The following NEGR1 variants were observed in gnomAD, a reference collection of about 807,000 sequenced individuals.
NEGR1 encodes IgLON family member 4.
Under a neutral mutation model 40.9 loss-of-function variants are expected in NEGR1, and 10 were observed. The observed-to-expected ratio is 0.24, with a 90% CI of 0.15 to 0.42. The LOEUF is 0.42. Ranked by LOEUF, NEGR1 falls within the 10% of genes least tolerant of loss-of-function variation. The pLI, the probability that NEGR1 is intolerant of heterozygous loss-of-function variation, is 1.00. For missense variants in NEGR1, 352 were observed against 438.9 expected (o/e 0.80, Z 1.77); for synonymous variants, 185 against 166.8 (o/e 1.11, Z -0.84).
chr1:71,502,602 C>T (rs1647006652), intron 6 of NEGR1, among the ~76,000 whole-genome samples: 1 of 152,130 alleles, frequency 6.6e-6, no homozygotes, highest in Non-Finnish European at 1.5e-5. Flanking sequence ...ATGCGTCCCA[C>T]CTGATTTAAG....
At chr1:71,517,620 A>G (rs1022237340) in intron 6 of NEGR1, among the ~76,000 whole-genome samples, 4 of 143,738 alleles carry the variant, frequency 2.8e-5, no homozygotes, top group Non-Finnish European at 6.0e-5. Context: ...AGCCAATATC[A>G]TACTGAATGG....
chr1:71,921,761 TAC>T (rs1422477930), intron 2 of NEGR1, among the ~76,000 whole-genome samples: 3 of 148,088 alleles, frequency 2.0e-5, no homozygotes, highest in Admixed American at 6.8e-5. Flanking sequence ...TTCATACATA[TAC>T]ATACATATTT....
chr1:71,640,211 G>T (rs1398603847), intron 4 of NEGR1, among the ~76,000 whole-genome samples: 1 of 152,018 alleles, frequency 6.6e-6, no homozygotes, highest in Non-Finnish European at 1.5e-5. Flanking sequence ...GATTCTCTTT[G>T]TTAATGTGTG....
chr1:71,816,453 G>A (rs1033076766), intron 2 of NEGR1, among the ~76,000 whole-genome samples: 2 of 152,036 alleles, frequency 1.3e-5, no homozygotes, highest in African/African-American at 4.8e-5. Flanking sequence ...CATGGCAGAA[G>A]GTGAAGGAGG....
intron 4 of NEGR1, among the ~76,000 whole-genome samples, chr1:71,615,882 G>C (rs1182341374): frequency 6.6e-6 from 1 of 152,186 alleles, no homozygotes; most frequent in Non-Finnish European, 1.5e-5. Flanking sequence ...AGGATAATGA[G>C]AAAGTCATTG....
chr1:72,093,061 G>A (rs1648557806), intron 1 of NEGR1, among the ~76,000 whole-genome samples: 1 of 151,980 alleles, frequency 6.6e-6, no homozygotes, highest in Non-Finnish European at 1.5e-5. Flanking sequence ...GGCTGGGTAC[G>A]GTGGCTCATA....
rs200858903 is a variant in NEGR1, at chr1:71,592,988, C to A, written c.789-20G>T. Reference sequence around the variant, plus strand: ...AAGAGCCTAGAAGACAAAATAAGCTCTAGGTAAATATGTATTGTGAATACC... The same window carrying A: ...AAGAGCCTAGAAGACAAAATAAGCTATAGGTAAATATGTATTGTGAATACC... On this transcript the variant is annotated intron_variant, in intron 5 of 6. Coordinates refer to ENST00000357731, the MANE Select transcript of NEGR1 (RefSeq NM_173808.3). The A allele has an allele frequency of 3.4e-5, 54 of 1,588,186 alleles. No homozygotes were observed. The South Asian group carries it at 5.1e-4, about 15-fold the overall frequency.
chr1:71,630,795 C>G (rs975499692), intron 4 of NEGR1, among the ~76,000 whole-genome samples: 1 of 151,878 alleles, frequency 6.6e-6, no homozygotes, highest in African/African-American at 2.4e-5. Context: ...AAAGATTCTA[C>G]TGGCATTCAT....
At chr1:71,507,546 G>A (rs1569963114) in intron 6 of NEGR1, among the ~76,000 whole-genome samples, 1 of 152,160 alleles carries the variant, frequency 6.6e-6, no homozygotes, top group South Asian at 2.1e-4. Flanking sequence ...TAAAAAACAG[G>A]CCATGGGAGG....
In NEGR1 at chr1:71,454,151, G is replaced by A. The variant is rs74089363; in HGVS notation, c.941-46581C>T. 1.2e-3 allele frequency among the ~76,000 whole-genome samples: 185 copies of A among 152,152 alleles called. 2 individuals carry two copies. The highest frequency in any genetic ancestry group is 4.4e-3 in the African/African-American group (184 of 41,522). On this transcript the variant is annotated intron_variant, in intron 6 of 6. Transcript: ENST00000357731. ...AATTTATTCTCCACCCACCTTAACA[G>A]CAACTCTCTGTTCATTGGCATCAAG...
chr1:71,506,053 G>A (rs988630377), intron 6 of NEGR1, among the ~76,000 whole-genome samples: 5 of 152,168 alleles, frequency 3.3e-5, no homozygotes, highest in Admixed American at 3.3e-4. Flanking sequence ...ATCGGGAATA[G>A]TGGGTCTGCC....
chr1:72,146,371 C>A (rs1650909161), intron 1 of NEGR1, among the ~76,000 whole-genome samples: 1 of 152,080 alleles, frequency 6.6e-6, no homozygotes. Context: ...CTATTAATGC[C>A]ATGTCATACT....
chr1:72,067,397 C>T (rs1647301649), intron 1 of NEGR1, among the ~76,000 whole-genome samples: 1 of 151,918 alleles, frequency 6.6e-6, no homozygotes, highest in Admixed American at 6.6e-5. Context: ...TCTCGTCATA[C>T]CTAGAGCAGC....
In NEGR1 at chr1:72,025,908, G is replaced by C. The variant is rs535841549; in HGVS notation, c.177-90597C>G. 3.2e-3 allele frequency among the ~76,000 whole-genome samples: 481 copies of C among 151,548 alleles called. 1 individual carries two copies. The highest frequency in any genetic ancestry group is 0.011 in the African/African-American group (448 of 41,356). On this transcript the variant is annotated intron_variant, in intron 1 of 6. Transcript: ENST00000357731. ...GGGCGGATCACGAGGTCAGGAGATC[G>C]AGATCATCCCGGCTAAAACGGTGAA...
At chr1:72,254,133 T>C (rs2100534631) in intron 1 of NEGR1, among the ~76,000 whole-genome samples, 1 of 152,360 alleles carries the variant, frequency 6.6e-6, no homozygotes, top group East Asian at 1.9e-4. Context: ...TCTCTGTTTC[T>C]ATATCACATG....
chr1:71,568,065 T>C (rs1648680123), intron 6 of NEGR1, among the ~76,000 whole-genome samples: 1 of 152,142 alleles, frequency 6.6e-6, no homozygotes, highest in Non-Finnish European at 1.5e-5. Context: ...ACAGATGCAA[T>C]GTATAAGTTC....
At chr1:71,744,127 A>C (rs1056680058) in intron 3 of NEGR1, among the ~76,000 whole-genome samples, 3 of 151,960 alleles carry the variant, frequency 2.0e-5, no homozygotes, top group African/African-American at 7.2e-5. Flanking sequence ...ATTTGACCTT[A>C]TTTAGTATTA....
chr1:72,199,200 T>C (rs549683190), intron 1 of NEGR1, among the ~76,000 whole-genome samples: 2 of 149,662 alleles, frequency 1.3e-5, no homozygotes, highest in Admixed American at 1.3e-4. Flanking sequence ...ATAATATGTA[T>C]CTTGGGGGCT....
chr1:71,624,541 G>A (rs1650705853), intron 4 of NEGR1, among the ~76,000 whole-genome samples: 1 of 151,960 alleles, frequency 6.6e-6, no homozygotes, highest in Non-Finnish European at 1.5e-5. Flanking sequence ...CCACTTCTGT[G>A]ACCACATCTC....
Sources: allele counts gnomAD v4.1 joint callset (sites outside exome capture counted in the v4.1 genomes callset), GRCh38; gene constraint gnomAD v4.1.1; transcripts MANE v1.5; gene names NCBI Gene and HGNC (gene_info 2026-07-23, HGNC 2026-07-21).